Variants in P2RY8 observed in about 807,000 individuals in gnomAD.
P2RY8 encodes the protein P2Y receptor family member 8, also known as S-geranylgeranyl-glutathione receptor P2RY8.
A neutral mutation model predicts 10.0 loss-of-function variants in P2RY8; 6 were observed. The observed-to-expected ratio is 0.60, with a 90% CI of 0.33 to 1.19. P2RY8 has a LOEUF of 1.19. Among genes scored for constraint, P2RY8 ranks in the 50% most tolerant of loss-of-function variants. The pLI, the probability that P2RY8 is intolerant of heterozygous loss-of-function variation, is 0.04. For synonymous variants in P2RY8, 276 were observed against 252.5 expected (o/e 1.09, Z -0.88); for missense variants, 456 against 542.0 (o/e 0.84, Z 1.58).
intron 1 of P2RY8, among the ~76,000 whole-genome samples, chrX:1,506,487 T>C (rs2149400576): frequency 6.6e-6 from 1 of 152,206 alleles, no homozygotes; most frequent in South Asian, 2.1e-4. Context: ...GAGAAAATGC[T>C]TCCTTTTCAG....
At position 1,472,427 on chromosome X, in the gene P2RY8, G is replaced by A. The variant is rs191514448; in HGVS notation, c.-24-5845C>T. On this transcript the variant is annotated intron_variant, in intron 1 of 1. Coordinates refer to ENST00000381297, the MANE Select transcript of P2RY8 (RefSeq NM_178129.5). ...AGATGGGTGGATGAATGGGTACATG[G>A]GTGGGTGGATGGATGGATGGGTGGG... Among the ~76,000 whole-genome samples, 9 of 145,132 alleles carry A rather than the reference G, an allele frequency of 6.2e-5. No homozygotes were observed. The Admixed American group carries it at 6.2e-4, about 10-fold the overall frequency.
intron 1 of P2RY8, among the ~76,000 whole-genome samples, chrX:1,532,419 GTATATATACACATATA>G: frequency 6.9e-6 from 1 of 144,216 alleles, no homozygotes. Context: ...TATATGATGT[GTATATATACACATATA>G]TGTATATATG....
intron 1 of P2RY8, among the ~76,000 whole-genome samples, chrX:1,468,075 C>G (rs181421715): frequency 5.3e-4 from 80 of 151,920 alleles, no homozygotes; most frequent in African/African-American, 1.8e-3. Context: ...GTACCTGGGA[C>G]TGCAGGTGCA....
chrX:1,469,496 G>A (rs1183920625), intron 1 of P2RY8, among the ~76,000 whole-genome samples: 3 of 152,022 alleles, frequency 2.0e-5, no homozygotes, highest in African/African-American at 7.2e-5. Flanking sequence ...ATGCTTTGCA[G>A]GTAAATGCAC....
At chrX:1,515,118 C>T (rs1384218616) in intron 1 of P2RY8, among the ~76,000 whole-genome samples, 2 of 150,992 alleles carry the variant, frequency 1.3e-5, no homozygotes, top group East Asian at 2.0e-4. Flanking sequence ...CATATGTTGC[C>T]CAGGCTGGTC....
At chrX:1,534,372 A>T (rs1272522885) in intron 1 of P2RY8, among the ~76,000 whole-genome samples, 9 of 151,536 alleles carry the variant, frequency 5.9e-5, no homozygotes, top group African/African-American at 1.9e-4. Context: ...TGAACCGCAG[A>T]ACACTCCCTG....
Position 1,530,212 on chromosome X carries a change from C to G in P2RY8, c.-25+6709G>C, listed in dbSNP as rs2092464627. Among the ~76,000 whole-genome samples, 3 of 148,472 alleles carry G rather than the reference C, an allele frequency of 2.0e-5. No homozygotes were observed. In the South Asian group the frequency reaches 6.4e-4, roughly 32 times the overall value. ...TCTATCTATCTATCTATCTATCTATCTATGTATCCATGTATCTATGTATGT... is the reference window on the plus strand; with the variant it reads ...TCTATCTATCTATCTATCTATCTATGTATGTATCCATGTATCTATGTATGT... On this transcript the variant is annotated intron_variant, in intron 1 of 1. Coordinates refer to ENST00000381297, the MANE Select transcript of P2RY8 (RefSeq NM_178129.5).
In P2RY8 at chrX:1,462,761, T is replaced by C. The variant is rs1253971476; in HGVS notation, c.*2718A>G. ...GCCACGCCTTGATGGAGGCTGAGAC[T>C]TTTTGGAATCCCTCCCTCTCTCCAT... On this transcript the variant is annotated 3_prime_UTR_variant, in exon 2 of 2. Coordinates refer to ENST00000381297, the MANE Select transcript of P2RY8 (RefSeq NM_178129.5). 2 of 232,944 alleles carry C rather than the reference T, an allele frequency of 8.6e-6. No homozygotes were observed. Among genetic ancestry groups the C allele is most frequent in the East Asian group, 1.2e-4 (2 of 16,592 alleles). 14.4% of individuals were successfully genotyped at this position (232,944 alleles called of 1,614,324 possible). A position where few individuals can be genotyped will look rare whatever the true frequency, so the allele number is the denominator to read the frequency against.
In P2RY8 at chrX:1,466,261, T is replaced by G; in HGVS notation, c.298A>C (p.Thr100Pro). The change falls in exon 2 of 2, where the codon ACC becomes CCC. Residue 100 changes from threonine to proline, a missense_variant. Physicochemically the swap from Thr to Pro is conservative, Grantham distance 38. Coordinates refer to ENST00000381297, the MANE Select transcript of P2RY8 (RefSeq NM_178129.5). The stretch of plus-strand genomic sequence containing the variant: ...TACATGTTTGCGTAAAAGGCCACGG[T>G]CACCACGTTGCAAAGCAGCACCCCG... ...VFGVLLCNVV[T>P]VAFYANMYSS... 6.2e-7 allele frequency: 1 copy of G among 1,613,804 alleles called. No individual in the cohort carries two copies. The highest frequency in any genetic ancestry group is 8.5e-7 in the Non-Finnish European group (1 of 1,179,818).
intron 1 of P2RY8, among the ~76,000 whole-genome samples, chrX:1,485,026 A>C (rs763331184): frequency 8.3e-6 from 1 of 120,294 alleles, no homozygotes; most frequent in African/African-American, 3.2e-5. Flanking sequence ...ACAGGATTGC[A>C]GTTTGTTGCT....
At chrX:1,521,918 A>G (rs1313459337) in intron 1 of P2RY8, among the ~76,000 whole-genome samples, 1 of 78,492 alleles carries the variant, frequency 1.3e-5, no homozygotes, top group Non-Finnish European at 2.6e-5. Flanking sequence ...ATTTTTTCTT[A>G]TGTCTTTCTC....
At chrX:1,479,048 T>A (rs2091907962) in intron 1 of P2RY8, among the ~76,000 whole-genome samples, 1 of 152,224 alleles carries the variant, frequency 6.6e-6, no homozygotes, top group Non-Finnish European at 1.5e-5. Context: ...CATTGAGTTT[T>A]CAACTTTGGT....
rs2091622484 is a variant in P2RY8, at chrX:1,463,822, TTGTGTC to T, written c.*1651_*1656del. On this transcript the variant is annotated 3_prime_UTR_variant, in exon 2 of 2. Coordinates refer to ENST00000381297, the MANE Select transcript of P2RY8 (RefSeq NM_178129.5). ...CTCTGTCTTTATGTGGCCTCCTGCT[TTGTGTC>T]TGTGTCTCCTCTTCCGTCTCTCATA... 4.3e-6 allele frequency: 1 copy of T among 232,424 alleles called. No homozygotes were observed. The highest frequency in any genetic ancestry group is 8.5e-6 in the Non-Finnish European group (1 of 117,778). 14.4% of individuals were successfully genotyped at this position (232,424 alleles called of 1,614,324 possible).
At chrX:1,519,321 C>T (rs1245465183) in intron 1 of P2RY8, among the ~76,000 whole-genome samples, 1 of 151,902 alleles carries the variant, frequency 6.6e-6, no homozygotes, top group East Asian at 1.9e-4. Flanking sequence ...TCTCCTTGGT[C>T]CCTAATAATC....
chrX:1,516,743 G>A (rs190660159), intron 1 of P2RY8, among the ~76,000 whole-genome samples: 81 of 145,138 alleles, frequency 5.6e-4, no homozygotes, highest in African/African-American at 2.0e-3. Flanking sequence ...TGAAATGGAC[G>A]AGAACATCTC....
chrX:1,535,450 A>T (rs1385145801), intron 1 of P2RY8, among the ~76,000 whole-genome samples: 2 of 151,764 alleles, frequency 1.3e-5, no homozygotes, highest in African/African-American at 4.8e-5. Context: ...GGCCTCCCAA[A>T]GTGCTGGGAT....
At chrX:1,518,906 G>T (rs753256507) in intron 1 of P2RY8, among the ~76,000 whole-genome samples, 187 of 151,654 alleles carry the variant, frequency 1.2e-3, no homozygotes, top group African/African-American at 4.5e-3. Context: ...TAATCTTCCT[G>T]ATCCCCAATC....
At chrX:1,501,519 G>C (rs28425175) in intron 1 of P2RY8, among the ~76,000 whole-genome samples, 2 of 151,982 alleles carry the variant, frequency 1.3e-5, no homozygotes, top group African/African-American at 4.8e-5. Context: ...TCACCACCAT[G>C]GCTGGCTAAT....
intron 1 of P2RY8, among the ~76,000 whole-genome samples, chrX:1,522,105 A>G (rs2149410098): frequency 6.6e-6 from 1 of 151,322 alleles, no homozygotes; most frequent in Admixed American, 6.6e-5. Context: ...GGCATGCACC[A>G]CCATGCCCAG....
Sources: allele counts gnomAD v4.1 joint callset (sites outside exome capture counted in the v4.1 genomes callset), GRCh38; gene constraint gnomAD v4.1.1; transcripts MANE v1.5; gene names NCBI Gene and HGNC (gene_info 2026-07-23, HGNC 2026-07-21).